The following EDN1 variants were observed in gnomAD, a reference collection of about 807,000 sequenced individuals.
The protein encoded by EDN1 is endothelin 1.
EDN1 carries 11 observed loss-of-function variants against 21.7 expected under a neutral mutation model. That is an observed-to-expected ratio of 0.51 (90% CI 0.32 to 0.84). EDN1 has a LOEUF of 0.84. Ranked by LOEUF, EDN1 falls within the 40% of genes least tolerant of loss-of-function variation. The pLI, the probability that EDN1 is intolerant of heterozygous loss-of-function variation, is 0.03. For missense variants in EDN1, 244 were observed against 262.3 expected, an observed-to-expected ratio of 0.93 and a Z score of 0.48; for synonymous variants, 85 against 90.6, an observed-to-expected ratio of 0.94 and a Z score of 0.35.
At chr6:12,263,811 G>A in the EDN1 span, among the ~76,000 whole-genome samples, 1 of 151,640 alleles carries the variant, frequency 6.6e-6, no homozygotes, top group Non-Finnish European at 1.5e-5. Context: ...CTGGTTCCTT[G>A]TTAAAAAAAA....
chr6:12,260,018 A>T, the EDN1 span, among the ~76,000 whole-genome samples: 1 of 152,128 alleles, frequency 6.6e-6, no homozygotes, highest in South Asian at 2.1e-4. Context: ...CTACAAAAAA[A>T]GGTAAAAATT....
At chr6:12,293,619 A>G (rs1333283122) in intron 2 of EDN1, among the ~76,000 whole-genome samples, 1 of 152,232 alleles carries the variant, frequency 6.6e-6, no homozygotes, top group Non-Finnish European at 1.5e-5. Context: ...AAGAAAATAT[A>G]AAGCAGATGC....
At chr6:12,287,730 A>T (rs1395745247), upstream of EDN1, among the ~76,000 whole-genome samples, 9 of 148,808 alleles carry the variant, frequency 6.0e-5, no homozygotes, top group South Asian at 2.2e-4. Context: ...ACACACACAC[A>T]CACACACACA....
the EDN1 span, among the ~76,000 whole-genome samples, chr6:12,265,029 C>G: frequency 6.6e-6 from 1 of 152,154 alleles, no homozygotes; most frequent in Non-Finnish European, 1.5e-5. Context: ...GAATAAAGGT[C>G]TACACCATTT....
At chr6:12,286,370 G>T (rs1223733206), upstream of EDN1, among the ~76,000 whole-genome samples, 1 of 152,172 alleles carries the variant, frequency 6.6e-6, no homozygotes, top group African/African-American at 2.4e-5. Flanking sequence ...TTTCTTCATA[G>T]CTCCTGGAGA....
intron 3 of EDN1, 51 bp downstream of exon 3, chr6:12,294,147 C>A: frequency 1.2e-6 from 2 of 1,613,840 alleles, no homozygotes; most frequent in Non-Finnish European, 1.7e-6. Context: ...CTCCTGAACT[C>A]CTTCCTATCA....
upstream of EDN1, among the ~76,000 whole-genome samples, chr6:12,287,091 T>C (rs1048477772): frequency 6.6e-6 from 1 of 151,592 alleles, no homozygotes; most frequent in African/African-American, 2.4e-5. Flanking sequence ...CACTCCAGCC[T>C]TGGAGACAGA....
the EDN1 span, among the ~76,000 whole-genome samples, chr6:12,257,029 AG>A: frequency 8.0e-6 from 1 of 125,722 alleles, no homozygotes; most frequent in Admixed American, 7.8e-5. Flanking sequence ...GATATAATGA[AG>A]AGTATGAAAA....
chr6:12,289,372 T>G (rs1207463148), upstream of EDN1, among the ~76,000 whole-genome samples: 1 of 152,090 alleles, frequency 6.6e-6, no homozygotes, highest in Non-Finnish European at 1.5e-5. Flanking sequence ...AAATAGAATA[T>G]TCTGAGGTGC....
chr6:12,280,294 G>A, the EDN1 span, among the ~76,000 whole-genome samples: 3 of 152,138 alleles, frequency 2.0e-5, no homozygotes, highest in Non-Finnish European at 4.4e-5. Context: ...CAGTATTGAT[G>A]TAACTTTTTA....
the EDN1 span, among the ~76,000 whole-genome samples, chr6:12,269,205 G>C: frequency 1.3e-5 from 2 of 152,054 alleles, no homozygotes; most frequent in East Asian, 3.8e-4. Context: ...AAATGAATTA[G>C]TTTATCAGTT....
the EDN1 span, among the ~76,000 whole-genome samples, chr6:12,264,201 C>A: frequency 1.3e-4 from 20 of 152,100 alleles, no homozygotes; most frequent in African/African-American, 4.1e-4. Flanking sequence ...AATCCAGGCA[C>A]CTGAAGCAGT....
Position 12,290,453 on chromosome 6 carries a change from T to TCGCTGCCTTCTCTCCTGGCAGG in EDN1, c.-167_-146dup. ...CCGCGTGCGCCTGCAGACGCTCCGC[T>TCGCTGCCTTCTCTCCTGGCAGG]CGCTGCCTTCTCTCCTGGCAGGCGC... On this transcript the variant is annotated 5_prime_UTR_variant, in exon 1 of 5. Transcript: ENST00000379375. The TCGCTGCCTTCTCTCCTGGCAGG allele has an allele frequency of 6.4e-6, 4 of 628,496 alleles. No individual in the cohort carries two copies. The highest frequency in any genetic ancestry group is 4.1e-4 in the Middle Eastern group (1 of 2,448). 38.9% of individuals were successfully genotyped at this position (628,496 alleles called of 1,614,324 possible).
chr6:12,283,408 T>C, the EDN1 span, among the ~76,000 whole-genome samples: 1 of 152,174 alleles, frequency 6.6e-6, no homozygotes, highest in East Asian at 1.9e-4. Context: ...TAAAACGCTG[T>C]AGGGAATTTT....
chr6:12,237,432 AG>A, the EDN1 span, among the ~76,000 whole-genome samples: 1 of 152,232 alleles, frequency 6.6e-6, no homozygotes, highest in Non-Finnish European at 1.5e-5. Flanking sequence ...AAGACCAAAA[AG>A]TCTTACAAAA....
the EDN1 span, among the ~76,000 whole-genome samples, chr6:12,278,650 C>T: frequency 5.3e-5 from 8 of 152,110 alleles, no homozygotes; most frequent in East Asian, 1.9e-4. Flanking sequence ...CCAGCACTTT[C>T]GGAGGCCGAG....
the EDN1 span, among the ~76,000 whole-genome samples, chr6:12,269,515 G>A: frequency 6.6e-6 from 1 of 151,980 alleles, no homozygotes; most frequent in East Asian, 1.9e-4. Context: ...TTTGTTGAGA[G>A]TTTTTATTAT....
At chr6:12,282,835 G>A in the EDN1 span, among the ~76,000 whole-genome samples, 1 of 152,130 alleles carries the variant, frequency 6.6e-6, no homozygotes, top group African/African-American at 2.4e-5. Context: ...TTCATTCTTT[G>A]CTTTTGCAAG....
At chr6:12,244,979 C>T in the EDN1 span, among the ~76,000 whole-genome samples, 4 of 152,164 alleles carry the variant, frequency 2.6e-5, no homozygotes, top group Non-Finnish European at 4.4e-5. Context: ...CAAAATGTTA[C>T]AAAAGATTGT....
Sources: gnomAD v4.1 joint callset for allele counts (sites outside exome capture counted in the v4.1 genomes callset) on GRCh38, gnomAD v4.1.1 for gene constraint, MANE v1.5 for transcripts, NCBI Gene and HGNC (gene_info 2026-07-23, HGNC 2026-07-21) for gene names.